The following NALCN variants were observed in gnomAD, a reference collection of about 807,000 sequenced individuals.
The protein encoded by NALCN is sodium leak channel, non-selective.
Under a neutral mutation model 225.3 loss-of-function variants are expected in NALCN, and 111 were observed. That is an observed-to-expected ratio of 0.49 (90% CI 0.42 to 0.58). The LOEUF (loss-of-function observed/expected upper bound fraction) is 0.58, where lower values mean the gene tolerates loss of function less well. Ranked by LOEUF, NALCN falls within the 20% of genes least tolerant of loss-of-function variation. NALCN has a pLI of 0.00. For synonymous variants in NALCN, 764 were observed against 769.0 expected, an observed-to-expected ratio of 0.99 and a Z score of 0.11; for missense variants, 1,378 against 2,202.4, an observed-to-expected ratio of 0.63 and a Z score of 7.49.
intron 7 of NALCN, among the ~76,000 whole-genome samples, chr13:101,318,756 C>T (rs978637558): frequency 6.6e-6 from 1 of 152,158 alleles, no homozygotes; most frequent in Admixed American, 6.5e-5. Flanking sequence ...AGCCCTAAAA[C>T]TCAAAACTGA....
chr13:101,291,031 T>C (rs1367223554), intron 9 of NALCN, among the ~76,000 whole-genome samples: 1 of 152,196 alleles, frequency 6.6e-6, no homozygotes, highest in Non-Finnish European at 1.5e-5. Flanking sequence ...GCATTGGATC[T>C]GAATTGCCCT....
rs1566655167 is a variant in NALCN at position 101,400,586 on chromosome 13, T to TGC, written c.-39-1422_-39-1421insGC. ...GTGTGTGTGTGTGTGTGTGTGCACGTGTGTGCGCGCGCACACAGATGCAGT... is the reference window on the plus strand; with the variant it reads ...GTGTGTGTGTGTGTGTGTGTGCACGTGCGTGTGCGCGCGCACACAGATGCAGT... On this transcript the variant is annotated intron_variant, in intron 1 of 43. Transcript: ENST00000251127. 3.6e-4 allele frequency among the ~76,000 whole-genome samples: 39 copies of TGC among 109,650 alleles called. 1 individual carries two copies. The highest frequency in any genetic ancestry group is 1.4e-3 in the African/African-American group (29 of 21,378). 71.9% of individuals were successfully genotyped at this position (109,650 alleles called of 152,430 possible). A position where few individuals can be genotyped will look rare whatever the true frequency, so the allele number is the denominator to read the frequency against.
intron 2 of NALCN, among the ~76,000 whole-genome samples, chr13:101,397,071 TA>T (rs1566650673): frequency 2.4e-5 from 1 of 41,268 alleles, no homozygotes; most frequent in South Asian, 8.7e-4. Context: ...ATGTATTATA[TA>T]TATATATATA....
At chr13:101,147,417 C>T (rs1454577790) in intron 15 of NALCN, among the ~76,000 whole-genome samples, 9 of 143,364 alleles carry the variant, frequency 6.3e-5, no homozygotes, top group African/African-American at 1.8e-4. Flanking sequence ...TGCAGTGGTG[C>T]GATCTTGGCT....
intron 11 of NALCN, among the ~76,000 whole-genome samples, chr13:101,250,648 A>C (rs1314111887): frequency 6.6e-6 from 1 of 152,060 alleles, no homozygotes; most frequent in African/African-American, 2.4e-5. Flanking sequence ...AGCCTTTACT[A>C]TAAGAGAATG....
intron 3 of NALCN, among the ~76,000 whole-genome samples, chr13:101,390,022 C>T (rs2047100289): frequency 1.3e-5 from 2 of 152,154 alleles, no homozygotes; most frequent in African/African-American, 4.8e-5. Flanking sequence ...GTGGAGGTTG[C>T]AGTGAGCCAA....
In NALCN at chr13:101,208,058, G is replaced by A. The variant is rs139270515; in HGVS notation, c.1627-16004C>T. Reference sequence around the variant, plus strand: ...TCACTCCTGAAGCCAGCAAGACAACGAACCCACCAGGAGGGACAAACAACT... The same window carrying A: ...TCACTCCTGAAGCCAGCAAGACAACAAACCCACCAGGAGGGACAAACAACT... On this transcript the variant is annotated intron_variant, in intron 13 of 43. Transcript: ENST00000251127. Among the ~76,000 whole-genome samples the A allele has an allele frequency of 8.8e-3, 1,338 of 151,776 alleles. 4 individuals carry two copies. Among genetic ancestry groups the A allele is most frequent in the Non-Finnish European group, 0.016 (1,064 of 67,984 alleles).
At chr13:101,194,385 A>G (rs2039806909) in intron 13 of NALCN, among the ~76,000 whole-genome samples, 1 of 152,222 alleles carries the variant, frequency 6.6e-6, no homozygotes, top group African/African-American at 2.4e-5. Flanking sequence ...GAATAAACCA[A>G]TGAAAGGTAG....
intron 3 of NALCN, among the ~76,000 whole-genome samples, chr13:101,384,770 T>C (rs1264336649): frequency 6.6e-6 from 1 of 152,110 alleles, no homozygotes. Flanking sequence ...TGAGTGAAAA[T>C]GCTTCCAGCA....
chr13:101,331,111 C>T (rs1460662184), intron 7 of NALCN, among the ~76,000 whole-genome samples: 5 of 152,020 alleles, frequency 3.3e-5, no homozygotes, highest in Non-Finnish European at 7.4e-5. Context: ...AAACACAACC[C>T]CAGTCACAGT....
chr13:101,256,853 T>C (rs946299738), intron 11 of NALCN, among the ~76,000 whole-genome samples: 61 of 147,332 alleles, frequency 4.1e-4, no homozygotes, highest in Non-Finnish European at 7.1e-4. Flanking sequence ...AACCTCCGCC[T>C]CCCAGGTTCA....
At chr13:101,306,112 C>A (rs940291384) in intron 7 of NALCN, among the ~76,000 whole-genome samples, 1 of 152,114 alleles carries the variant, frequency 6.6e-6, no homozygotes. Flanking sequence ...AGGGGACTAT[C>A]CAGATTAATT....
chr13:101,197,490 C>T (rs554879733), intron 13 of NALCN, among the ~76,000 whole-genome samples: 1 of 151,984 alleles, frequency 6.6e-6, no homozygotes, highest in African/African-American at 2.4e-5. Context: ...GCTATTTTAC[C>T]CCTCAAGTCC....
intron 11 of NALCN, among the ~76,000 whole-genome samples, chr13:101,239,873 T>C (rs371492574): frequency 7.4e-4 from 112 of 152,216 alleles, no homozygotes; most frequent in African/African-American, 2.5e-3. Context: ...AGGAAAGTTA[T>C]CTTGTCTCAA....
chr13:101,351,290 C>T (rs2139323979), intron 6 of NALCN, among the ~76,000 whole-genome samples: 1 of 152,254 alleles, frequency 6.6e-6, no homozygotes, highest in Admixed American at 6.5e-5. Flanking sequence ...GCTTTAGTAG[C>T]TTCCATGTAT....
At chr13:101,101,940 T>C (rs182413856) in intron 26 of NALCN, among the ~76,000 whole-genome samples, 1 of 152,186 alleles carries the variant, frequency 6.6e-6, no homozygotes, top group African/African-American at 2.4e-5. Flanking sequence ...TCAGGTGATA[T>C]TTTCTTTTAA....
At chr13:101,400,580 T>TGTGTGTGTGTGTGTGTGTGC (rs1447560398) in intron 1 of NALCN, among the ~76,000 whole-genome samples, 1 of 135,664 alleles carries the variant, frequency 7.4e-6, no homozygotes, top group Non-Finnish European at 1.5e-5. Context: ...TGTGTGTGTG[T>TGTGTGTGTGTGTGTGTGTGC]GCACGTGTGT....
At chr13:101,280,136 G>A (rs184317394) in intron 10 of NALCN, among the ~76,000 whole-genome samples, 1 of 152,052 alleles carries the variant, frequency 6.6e-6, no homozygotes, top group African/African-American at 2.4e-5. Context: ...CTCCTGCCCG[G>A]TACAAACAGA....
intron 9 of NALCN, among the ~76,000 whole-genome samples, chr13:101,289,842 A>G (rs555490205): frequency 6.6e-6 from 1 of 152,220 alleles, no homozygotes; most frequent in South Asian, 2.1e-4. Context: ...TTTTACAAAC[A>G]TAATAGCATC....
Sources: gnomAD v4.1 joint callset for allele counts (sites outside exome capture counted in the v4.1 genomes callset) on GRCh38, gnomAD v4.1.1 for gene constraint, MANE v1.5 for transcripts, NCBI Gene and HGNC (gene_info 2026-07-23, HGNC 2026-07-21) for gene names.